The following ECT2L variants were observed in gnomAD, a reference collection of about 807,000 sequenced individuals.
The protein encoded by ECT2L is epithelial cell transforming 2 like, also known as epithelial cell-transforming sequence 2 oncogene-like.
ECT2L carries 126 observed loss-of-function variants against 122.8 expected under a neutral mutation model. The observed-to-expected ratio is 1.03, with a 90% CI of 0.89 to 1.19. The LOEUF is 1.19. ECT2L is among the 50% of genes most tolerant of loss of function. ECT2L has a pLI of 0.00. For missense variants in ECT2L, 1,012 were observed against 1,064.1 expected, an observed-to-expected ratio of 0.95 and a Z score of 0.68; for synonymous variants, 385 against 381.8, an observed-to-expected ratio of 1.01 and a Z score of -0.10.
rs1206362180 is a variant in ECT2L at position 138,902,668 on chromosome 6, C to T, written c.*41C>T. On this transcript the variant is annotated 3_prime_UTR_variant, in exon 22 of 22. Transcript: ENST00000541398. ...CTTCAGGGGTGCCAATTCTCCCCAG[C>T]AAAGACAGACAACATGTATTTTCTG... 6.2e-7 allele frequency: 1 copy of T among 1,607,258 alleles called. No individual in the cohort carries two copies. Among genetic ancestry groups the T allele is most frequent in the Middle Eastern group, 1.7e-4 (1 of 6,032 alleles).
At chr6:138,873,229 T>TA (rs67979415) in intron 13 of ECT2L, among the ~76,000 whole-genome samples, 44,316 of 151,756 alleles carry the variant, frequency 0.29, 7,092 homozygotes, top group Admixed American at 0.38. Context: ...GAAATTTGAT[T>TA]AAAAAAAATC....
chr6:138,798,343 T>C (rs949728506), intron 1 of ECT2L, among the ~76,000 whole-genome samples: 3 of 152,200 alleles, frequency 2.0e-5, no homozygotes, highest in Non-Finnish European at 4.4e-5. Context: ...GCCCCCATCC[T>C]GAAGCTATCT....
chr6:138,811,053 T>C (rs1312556777), intron 1 of ECT2L, among the ~76,000 whole-genome samples: 1 of 152,214 alleles, frequency 6.6e-6, no homozygotes, highest in Non-Finnish European at 1.5e-5. Flanking sequence ...GGCATGGACC[T>C]GGTGACTTGC....
At chr6:138,854,981 T>TTTG (rs889329801) in intron 10 of ECT2L, among the ~76,000 whole-genome samples, 3 of 152,170 alleles carry the variant, frequency 2.0e-5, no homozygotes, top group Non-Finnish European at 4.4e-5. Context: ...ACTGTTTTTT[T>TTTG]TTGTTGTTGT....
chr6:138,845,911 C>A (rs73557264), intron 7 of ECT2L, among the ~76,000 whole-genome samples: 2 of 151,804 alleles, frequency 1.3e-5, no homozygotes, highest in African/African-American at 2.4e-5. Context: ...TCTTTCCCCC[C>A]ACCCAAAAAA....
chr6:138,808,569 C>T (rs1775785951), intron 1 of ECT2L, among the ~76,000 whole-genome samples: 1 of 152,052 alleles, frequency 6.6e-6, no homozygotes, highest in South Asian at 2.1e-4. Context: ...TATTAGTATA[C>T]AGAAAAACAA....
chr6:138,880,334 T>A (rs545792292), intron 14 of ECT2L, among the ~76,000 whole-genome samples: 9 of 152,176 alleles, frequency 5.9e-5, no homozygotes, highest in African/African-American at 2.2e-4. Flanking sequence ...GAGGACCAAC[T>A]CCCTCTGCCA....
chr6:138,828,501 G>A (rs981693792), intron 4 of ECT2L, among the ~76,000 whole-genome samples: 1 of 152,136 alleles, frequency 6.6e-6, no homozygotes, highest in African/African-American at 2.4e-5. Context: ...TACTTCAAAG[G>A]TGGTGTTTTA....
In ECT2L at chr6:138,838,574, GCTA is replaced by G. The variant is rs1776928065; in HGVS notation, c.342+63_342+65del. 4 of 1,514,098 alleles carry G rather than the reference GCTA, an allele frequency of 2.6e-6. No individual in the cohort carries two copies. The South Asian group carries it at 5.5e-5, about 21-fold the overall frequency. The allele number at this position is 1,514,098 out of a possible 1,614,324, so 93.8% of individuals were successfully genotyped here. ...AAGTACAGCTGTAATCTGTAATGAG[GCTA>G]CTGGGGTAGCTCCCGTCCCTGAAGA... On this transcript the variant is annotated intron_variant, in intron 5 of 21. Transcript: ENST00000541398.
rs567995631 is a variant in ECT2L at position 138,830,308 on chromosome 6, T to G, written c.180-8044T>G. On this transcript the variant is annotated intron_variant, in intron 4 of 21. Transcript: ENST00000541398. The stretch of plus-strand genomic sequence containing the variant: ...GACAAGCTTTTTCTAAACGGCCAGA[T>G]AGCAACAATCTTAGGCCTTGTGGGC... Among the ~76,000 whole-genome samples, 9 of 152,322 alleles carry G rather than the reference T, an allele frequency of 5.9e-5. No individual in the cohort carries two copies. The South Asian group carries it at 1.9e-3, about 32-fold the overall frequency.
chr6:138,882,824 A>C lies in ECT2L; in HGVS notation c.1981A>C (p.Thr661Pro), dbSNP rs768581573. ...GTTTGGAAGCCAGTTAAACACATATACCAATTTCTTCAACAATTACCCTGT... is the reference window on the plus strand; with the variant it reads ...GTTTGGAAGCCAGTTAAACACATATCCCAATTTCTTCAACAATTACCCTGT... Reference protein sequence around the residue: ...TKFGSQLNTYTNFFNNYPVIL... With the variant: ...TKFGSQLNTYPNFFNNYPVIL... Residue 661 changes from threonine (T) to proline (P), a missense_variant, in exon 16 of 22, where the codon ACC (threonine) becomes CCC (proline). By Grantham distance (38) the Thr-to-Pro change is conservative. Coordinates refer to ENST00000541398, the MANE Select transcript of ECT2L (RefSeq NM_001077706.3). The C allele has an allele frequency of 1.9e-6, 3 of 1,614,044 alleles. No homozygotes were observed. The highest frequency in any genetic ancestry group is 1.7e-6 in the Non-Finnish European group (2 of 1,180,024).
At chr6:138,820,040 G>A (rs1431259158) in intron 4 of ECT2L, among the ~76,000 whole-genome samples, 2 of 152,190 alleles carry the variant, frequency 1.3e-5, no homozygotes, top group Non-Finnish European at 2.9e-5. Flanking sequence ...GTTAGACACT[G>A]TTGATTACTG....
rs781779284 is a variant in ECT2L at position 138,813,334 on chromosome 6, T to C, written c.60T>C (p.Asn20=). ...CACCTTTTAGCAACAAGTCATTAAA[T>C]AGACAGGTAAGTTACATACTTTAAA... ...AWTPFSNKSL[N]RQLFQERVAL... The change falls in exon 3 of 22, where the codon AAT becomes AAC. Residue 20 remains asparagine, a synonymous_variant. Transcript: ENST00000541398. 17 of 1,610,302 alleles carry C rather than the reference T, an allele frequency of 1.1e-5. No homozygotes were observed. Among genetic ancestry groups the C allele is most frequent in the East Asian group, 2.2e-5 (1 of 44,760 alleles).
intron 20 of ECT2L, among the ~76,000 whole-genome samples, 160 bp downstream of exon 20, chr6:138,889,191 T>C (rs1026123178): frequency 6.6e-6 from 1 of 152,182 alleles, no homozygotes; most frequent in East Asian, 1.9e-4. Context: ...CCCTCTGAGA[T>C]AGTGTAGGGT....
chr6:138,872,536 T>C (rs10872500), intron 13 of ECT2L, among the ~76,000 whole-genome samples: 47,921 of 152,012 alleles, frequency 0.32, 7,912 homozygotes, highest in Admixed American at 0.4. Flanking sequence ...CTGCTTTCAT[T>C]TCATTATGCC....
intron 20 of ECT2L, among the ~76,000 whole-genome samples, chr6:138,899,427 C>G (rs1432314772): frequency 6.8e-6 from 1 of 147,588 alleles, no homozygotes; most frequent in African/African-American, 2.6e-5. Context: ...AATAACCTTT[C>G]CTGTACATAG....
chr6:138,820,154 C>G (rs1406788936), intron 4 of ECT2L, among the ~76,000 whole-genome samples: 1 of 152,136 alleles, frequency 6.6e-6, no homozygotes, highest in African/African-American at 2.4e-5. Context: ...GGTAAGTAAC[C>G]CCCACCCTAC....
Position 138,903,140 on chromosome 6 carries a change from C to G in ECT2L, c.*513C>G, listed in dbSNP as rs1779461731. 1 of 154,880 alleles carries G rather than the reference C, an allele frequency of 6.5e-6. No individual in the cohort carries two copies. 9.6% of individuals were successfully genotyped at this position (154,880 alleles called of 1,614,324 possible). A position where few individuals can be genotyped will look rare whatever the true frequency, so the allele number is the denominator to read the frequency against. ...TTGGGAGGCTGAGGTGGCAGATTAC[C>G]TGAGGTCAGGAGTTTGAGACCAGCC... On this transcript the variant is annotated 3_prime_UTR_variant, in exon 22 of 22. Coordinates refer to ENST00000541398, the MANE Select transcript of ECT2L (RefSeq NM_001077706.3).
chr6:138,893,832 A>C (rs1203043546), intron 20 of ECT2L, among the ~76,000 whole-genome samples: 2 of 152,154 alleles, frequency 1.3e-5, no homozygotes, highest in Non-Finnish European at 2.9e-5. Context: ...AAGCTAGTCC[A>C]CACTTTATCT....
Sources: gnomAD v4.1 joint callset for allele counts (sites outside exome capture counted in the v4.1 genomes callset) on GRCh38, gnomAD v4.1.1 for gene constraint, MANE v1.5 for transcripts, NCBI Gene and HGNC (gene_info 2026-07-23, HGNC 2026-07-21) for gene names.